The following POLQ variants were observed in gnomAD, a reference collection of about 807,000 sequenced individuals.
POLQ encodes DNA polymerase theta.
A neutral mutation model predicts 259.2 loss-of-function variants in POLQ; 233 were observed. That is an observed-to-expected ratio of 0.90 (90% CI 0.81 to 1.00). The LOEUF (loss-of-function observed/expected upper bound fraction) is 1.00. Ranked by LOEUF, POLQ falls within the 50% of genes least tolerant of loss-of-function variation. POLQ has a pLI of 0.00. For missense variants in POLQ, 2,871 were observed against 3,051.6 expected (o/e 0.94, Z 1.39); for synonymous variants, 1,025 against 1,048.8 (o/e 0.98, Z 0.44).
At position 121,490,086 on chromosome 3, in the gene POLQ, T is replaced by C. The variant is rs920710955; in HGVS notation, c.2845A>G (p.Ile949Val). 1.9e-6 allele frequency: 3 copies of C among 1,592,654 alleles called. No individual in the cohort carries two copies. The highest frequency in any genetic ancestry group is 1.7e-6 in the Non-Finnish European group (2 of 1,167,630). The part of the protein sequence containing the change: ...KSNTIFSDSY[I>V]KHSPNIVQDL... ...TGCACTATATTTGGTGAATGCTTAA[T>C]ATAAGAATCACTAAATATTGTGTTA... is the stretch of plus-strand genomic sequence containing the variant. The change falls in exon 16 of 30, where the codon ATT (isoleucine) becomes GTT (valine). Residue 949 changes from isoleucine (I) to valine (V), a missense_variant. Physicochemically the swap from Ile to Val is conservative, Grantham distance 29. Coordinates refer to ENST00000264233, the MANE Select transcript of POLQ (RefSeq NM_199420.4).
intron 27 of POLQ, 51 bp from the exon 28 acceptor site, chr3:121,436,326 A>G (rs757931629): frequency 6.3e-7 from 1 of 1,589,654 alleles, no homozygotes; most frequent in Non-Finnish European, 8.6e-7. Context: ...ACATGGTTTC[A>G]TACTTTCCTT....
intron 15 of POLQ, among the ~76,000 whole-genome samples, chr3:121,490,809 T>C (rs1298421218): frequency 6.6e-6 from 1 of 152,160 alleles, no homozygotes; most frequent in Non-Finnish European, 1.5e-5. Flanking sequence ...AACCCAGCAC[T>C]TTGGGAGACC....
chr3:121,532,970 A>T lies in POLQ; in HGVS notation c.960+20T>A. On this transcript the variant is annotated intron_variant, in intron 6 of 29. Coordinates refer to ENST00000264233, the MANE Select transcript of POLQ (RefSeq NM_199420.4). ...AAACACACAGATAAAAATAGTAGTG[A>T]TGTACATATATTGATTTACCTTCAC... 7.2e-7 allele frequency: 1 copy of T among 1,398,248 alleles called. No homozygotes were observed. The highest frequency in any genetic ancestry group is 1.0e-6 in the Non-Finnish European group (1 of 997,938). The allele number at this position is 1,398,248 out of a possible 1,614,324, so 86.6% of individuals were successfully genotyped here.
chr3:121,464,465 G>A (rs2047819482), intron 24 of POLQ, among the ~76,000 whole-genome samples: 1 of 152,114 alleles, frequency 6.6e-6, no homozygotes, highest in Non-Finnish European at 1.5e-5. Flanking sequence ...CAATCAACAT[G>A]TTATATAAAC....
chr3:121,494,187 A>G (rs2108800971), intron 14 of POLQ: 1 of 1,199,180 alleles, frequency 8.3e-7, no homozygotes, highest in Non-Finnish European at 1.2e-6. Flanking sequence ...AGGCTAAGAA[A>G]GTGGTGAATC....
In POLQ at chr3:121,451,996, C is replaced by T. The variant is rs1226769429; in HGVS notation, c.7153-2570G>A. The stretch of plus-strand genomic sequence containing the variant: ...CAAGCCTCAGCACTGGCGGGCGCCC[C>T]TCCCCCAGCCTTGCTGCTGCCTTGC... On this transcript the variant is annotated intron_variant, in intron 25 of 29. Coordinates refer to ENST00000264233, the MANE Select transcript of POLQ (RefSeq NM_199420.4). Among the ~76,000 whole-genome samples the T allele has an allele frequency of 2.0e-5, 3 of 151,060 alleles. No individual in the cohort carries two copies. In the East Asian group the frequency reaches 5.9e-4, roughly 30 times the overall value.
intron 12 of POLQ, among the ~76,000 whole-genome samples, chr3:121,507,756 A>AT (rs1357809264): frequency 6.6e-6 from 1 of 152,152 alleles, no homozygotes; most frequent in African/African-American, 2.4e-5. Context: ...AAAATTAAAG[A>AT]TAACTGCAAA....
chr3:121,495,046 C>A, intron 14 of POLQ: 1 of 499,010 alleles, frequency 2.0e-6, no homozygotes, highest in Non-Finnish European at 3.5e-6. Flanking sequence ...CCAAGTCGAG[C>A]AGATCATCTG....
chr3:121,498,535 T>C lies in POLQ; in HGVS notation c.2095A>G (p.Lys699Glu). The C allele has an allele frequency of 6.2e-7, 1 of 1,614,096 alleles. No homozygotes were observed. Residue 699 changes from lysine (K) to glutamate (E), a missense_variant, in exon 13 of 30, where the codon AAA (lysine) becomes GAA (glutamate). This residue lies in a region of POLQ where 783 missense variants were observed against 906.2 expected (regional missense o/e 0.86). Coordinates refer to ENST00000264233, the MANE Select transcript of POLQ (RefSeq NM_199420.4). ...TCAGTTCTGGCTACTACTTTTCCTT[T>C]CACACAACGGGCCAAGAACCCCTCT... is the stretch of plus-strand genomic sequence containing the variant. Reference protein sequence around the residue: ...VEEGFLARCVKGKVVARTERQ... With the variant: ...VEEGFLARCVEGKVVARTERQ...
At chr3:121,499,994 T>C (rs2048154263) in intron 12 of POLQ, among the ~76,000 whole-genome samples, 1 of 152,044 alleles carries the variant, frequency 6.6e-6, no homozygotes, top group African/African-American at 2.4e-5. Flanking sequence ...AAAAGTACAA[T>C]AACTGGCCAG....
At chr3:121,534,101 C>T (rs1053083065) in intron 5 of POLQ, among the ~76,000 whole-genome samples, 1 of 151,972 alleles carries the variant, frequency 6.6e-6, no homozygotes, top group Non-Finnish European at 1.5e-5. Flanking sequence ...TGGTCTCGAT[C>T]TCCTGACCTC....
chr3:121,471,249 G>C (rs2047881548), intron 22 of POLQ, among the ~76,000 whole-genome samples: 1 of 151,932 alleles, frequency 6.6e-6, no homozygotes, highest in South Asian at 2.1e-4. Context: ...TTTCTTTTCT[G>C]CTTGGGTAAA....
At position 121,489,986 on chromosome 3, in the gene POLQ, G is replaced by C. The variant is rs3218649; in HGVS notation, c.2945C>G (p.Thr982Arg). 0.65 allele frequency: 1,029,279 copies of C among 1,578,926 alleles called. 338,892 individuals carry two copies. Among genetic ancestry groups the C allele is most frequent in the East Asian group, 0.89 (39,896 of 44,756 alleles). ...TTTTCTTGCTCTGAAAATGGAACAT[G>C]TCTGATGTTCTTGATTCCCATTCTG... is the stretch of plus-strand genomic sequence containing the variant. ...NFQNGNQEHQ[T>R]CSIFRARKRA... Residue 982 changes from threonine (T) to arginine (R), a missense_variant, in exon 16 of 30, where the codon ACA (threonine) becomes AGA (arginine). Transcript: ENST00000264233.
At chr3:121,524,771 A>T (rs1198539330) in intron 7 of POLQ, among the ~76,000 whole-genome samples, 1 of 152,210 alleles carries the variant, frequency 6.6e-6, no homozygotes, top group East Asian at 1.9e-4. Context: ...TAGGGTAATG[A>T]AAATGTTCTA....
chr3:121,534,417 C>T (rs1486590624), intron 5 of POLQ, among the ~76,000 whole-genome samples: 1 of 151,980 alleles, frequency 6.6e-6, no homozygotes. Context: ...GCAACCTCTA[C>T]CTCCAGGGTT....
chr3:121,486,365 A>G (rs909902748), intron 16 of POLQ, among the ~76,000 whole-genome samples: 4 of 152,058 alleles, frequency 2.6e-5, no homozygotes, highest in African/African-American at 9.7e-5. Flanking sequence ...CCTGGCTAAC[A>G]CAGTGAAACC....
At chr3:121,517,360 T>C (rs2048305925) in intron 9 of POLQ, among the ~76,000 whole-genome samples, 1 of 152,058 alleles carries the variant, frequency 6.6e-6, no homozygotes, top group Admixed American at 6.6e-5. Flanking sequence ...ATCCAACAAA[T>C]TGGAAGTTTT....
chr3:121,529,548 G>T (rs2048396018), intron 7 of POLQ, 97 bp downstream of exon 7: 5 of 1,162,092 alleles, frequency 4.3e-6, no homozygotes, highest in Middle Eastern at 1.9e-4. Flanking sequence ...CAGTGACAAT[G>T]ATGAACAAAA....
chr3:121,491,441 G>T (rs2048068220), intron 15 of POLQ, among the ~76,000 whole-genome samples: 1 of 151,192 alleles, frequency 6.6e-6, no homozygotes, highest in African/African-American at 2.4e-5. Context: ...AATATATGAA[G>T]GGACTAGAAA....
Sources: gnomAD v4.1 joint callset for allele counts (sites outside exome capture counted in the v4.1 genomes callset) on GRCh38, gnomAD v4.1.1 for gene constraint, gnomAD v4.1.1 regional missense constraint, MANE v1.5 for transcripts, NCBI Gene and HGNC (gene_info 2026-07-23, HGNC 2026-07-21) for gene names.